HHLA2: variants seen among roughly 807,000 people sequenced by gnomAD.
HHLA2 encodes the protein HHLA2 member of B7 family, also known as HERV-H LTR-associating protein 2.
In HHLA2, 48 loss-of-function variants were observed where a neutral mutation model predicts 45.9. That is an observed-to-expected ratio of 1.05 (90% CI 0.83 to 1.33). The LOEUF (loss-of-function observed/expected upper bound fraction) is 1.33, where lower values mean the gene tolerates loss of function less well. HHLA2 is among the 40% of genes most tolerant of loss of function. The probability of loss-of-function intolerance (pLI) is 0.00; values close to 1 mark genes in which losing one functional copy is unlikely to be tolerated. For missense variants in HHLA2, 462 were observed against 494.3 expected (o/e 0.93, Z 0.62); for synonymous variants, 161 against 173.9 (o/e 0.93, Z 0.59).
At position 108,299,933 on chromosome 3, in the gene HHLA2, C is replaced by G. The variant is rs28419099; in HGVS notation, c.-192+3334C>G. On this transcript the variant is annotated intron_variant, in intron 1 of 10. Transcript: ENST00000619531. ...AAGAGCACAGTTGGATGACGAGAGT[C>G]CCAGCTTTATTTTCAGATTCCAGTG... Among the ~76,000 whole-genome samples, 666 of 152,160 alleles carry G rather than the reference C, an allele frequency of 4.4e-3. 3 individuals carry two copies. Among genetic ancestry groups the G allele is most frequent in the African/African-American group, 0.015 (640 of 41,488 alleles).
chr3:108,316,106 A>G (rs2107326966), intron 2 of HHLA2, among the ~76,000 whole-genome samples: 1 of 152,288 alleles, frequency 6.6e-6, no homozygotes, highest in South Asian at 2.1e-4. Flanking sequence ...AAATGAAAAA[A>G]AAAGATGAAA....
At chr3:108,334,571 A>G (rs1376216160) in intron 3 of HHLA2, among the ~76,000 whole-genome samples, 1 of 152,216 alleles carries the variant, frequency 6.6e-6, no homozygotes, top group Non-Finnish European at 1.5e-5. Context: ...GTTGCCAAGG[A>G]TAGACATCCA....
chr3:108,334,227 C>T (rs2081434107), intron 3 of HHLA2, among the ~76,000 whole-genome samples: 1 of 152,156 alleles, frequency 6.6e-6, no homozygotes, highest in African/African-American at 2.4e-5. Flanking sequence ...GCAGAAGTCT[C>T]TGGCTTAGAT....
chr3:108,330,331 G>A (rs1317042383), intron 3 of HHLA2, among the ~76,000 whole-genome samples: 1 of 152,084 alleles, frequency 6.6e-6, no homozygotes, highest in Non-Finnish European at 1.5e-5. Flanking sequence ...ACTCTAAGGT[G>A]GCCCCCAAGA....
intron 3 of HHLA2, among the ~76,000 whole-genome samples, chr3:108,335,798 C>T (rs1467864575): frequency 6.6e-6 from 1 of 152,072 alleles, no homozygotes; most frequent in African/African-American, 2.4e-5. Context: ...ACTGAGGCAG[C>T]CACAAAAGTA....
chr3:108,321,091 T>A (rs866768223), intron 2 of HHLA2, among the ~76,000 whole-genome samples: 4 of 101,418 alleles, frequency 3.9e-5, no homozygotes, highest in Non-Finnish European at 8.1e-5. Context: ...TCCAGGTGTT[T>A]AAAAAAAAAA....
chr3:108,376,419 T>C, intron 9 of HHLA2, 74 bp from the exon 9 acceptor site: 1 of 1,113,714 alleles, frequency 9.0e-7, no homozygotes. Flanking sequence ...CATGATTATA[T>C]TGAGATAGGA....
intron 3 of HHLA2, among the ~76,000 whole-genome samples, chr3:108,339,174 T>A (rs4522772): frequency 0.56 from 84,987 of 152,008 alleles, 24,385 homozygotes; most frequent in Middle Eastern, 0.63. Flanking sequence ...CCATACACAG[T>A]TTTACAATCA....
intron 8 of HHLA2, among the ~76,000 whole-genome samples, chr3:108,374,005 G>A (rs1389417395): frequency 6.6e-6 from 1 of 150,800 alleles, no homozygotes; most frequent in Non-Finnish European, 1.5e-5. Context: ...AACCAAAAAA[G>A]AGCCCGCATT....
At chr3:108,355,443 T>A in intron 6 of HHLA2, 62 bp downstream of exon 5, 1 of 1,516,556 alleles carries the variant, frequency 6.6e-7, no homozygotes, top group Non-Finnish European at 8.9e-7. Context: ...TAATGGGGAC[T>A]GATTTGCAAA....
chr3:108,321,632 T>G (rs1369144645), intron 2 of HHLA2, among the ~76,000 whole-genome samples: 1 of 152,182 alleles, frequency 6.6e-6, no homozygotes, highest in Non-Finnish European at 1.5e-5. Flanking sequence ...AGTATCTTTG[T>G]GTGAATGCTT....
intron 3 of HHLA2, among the ~76,000 whole-genome samples, chr3:108,329,117 C>A (rs899225856): frequency 1.3e-5 from 2 of 152,068 alleles, no homozygotes; most frequent in African/African-American, 4.8e-5. Flanking sequence ...GAAATTTACC[C>A]TGGAATAAAT....
chr3:108,372,636 T>TA (rs1169161441), intron 8 of HHLA2, among the ~76,000 whole-genome samples: 1 of 152,032 alleles, frequency 6.6e-6, no homozygotes, highest in Non-Finnish European at 1.5e-5. Flanking sequence ...TAAAAAATGA[T>TA]AAAGGGGATA....
intron 8 of HHLA2, among the ~76,000 whole-genome samples, chr3:108,374,375 C>G (rs36149994): frequency 0.16 from 24,763 of 151,208 alleles, 2,647 homozygotes; most frequent in Non-Finnish European, 0.24. Flanking sequence ...CCGTAAAAAC[C>G]CTAGAAGAAA....
intron 1 of HHLA2, among the ~76,000 whole-genome samples, chr3:108,300,871 T>C (rs1378913213): frequency 6.6e-6 from 1 of 152,214 alleles, no homozygotes; most frequent in Non-Finnish European, 1.5e-5. Flanking sequence ...GTCATATTTA[T>C]CTAAATGTTC....
intron 2 of HHLA2, among the ~76,000 whole-genome samples, chr3:108,314,361 C>G (rs1313559456): frequency 1.3e-5 from 2 of 151,268 alleles, no homozygotes; most frequent in East Asian, 3.9e-4. Context: ...AAAAAAATTC[C>G]TACTCCTACA....
chr3:108,362,226 C>T, intron 7 of HHLA2, 116 bp from the exon 7 acceptor site: 2 of 710,588 alleles, frequency 2.8e-6, no homozygotes, highest in Non-Finnish European at 2.3e-6. Context: ...ACCTGTAATG[C>T]AGAAATAACT....
intron 1 of HHLA2, among the ~76,000 whole-genome samples, chr3:108,300,387 A>T (rs1250009214): frequency 6.6e-6 from 1 of 152,176 alleles, no homozygotes; most frequent in East Asian, 1.9e-4. Flanking sequence ...TGAGTCAAAG[A>T]TTCAGGTGCA....
At position 108,333,598 on chromosome 3, in the gene HHLA2, CAAAAAAAAAA is replaced by C. The variant is rs5851586; in HGVS notation, c.-27+5266_-27+5275del. ...TTTTCAGTGTTGCTCTCTCAGTAAC[CAAAAAAAAAA>C]AAAAAAAAAAAAAATTAATTTAAAT... On this transcript the variant is annotated intron_variant, in intron 3 of 10. Coordinates refer to ENST00000619531, the Ensembl canonical transcript of HHLA2. Among the ~76,000 whole-genome samples the C allele has an allele frequency of 5.2e-4, 56 of 108,256 alleles. 1 individual carries two copies. The highest frequency in any genetic ancestry group is 7.7e-4 in the Admixed American group (8 of 10,332). The allele number at this position is 108,256 out of a possible 152,430, so 71.0% of individuals were successfully genotyped here.
Sources: gnomAD v4.1 joint callset for allele counts (sites outside exome capture counted in the v4.1 genomes callset) on GRCh38, gnomAD v4.1.1 for gene constraint, MANE v1.5 for transcripts, NCBI Gene and HGNC (gene_info 2026-07-23, HGNC 2026-07-21) for gene names.